The following LIAT1 variants were observed in gnomAD, a reference collection of about 807,000 sequenced individuals.
The protein encoded by LIAT1 is ligand of ATE1.
chr17:411,798 C>T, the LIAT1 span, among the ~76,000 whole-genome samples: 1 of 152,154 alleles, frequency 6.6e-6, no homozygotes, highest in African/African-American at 2.4e-5. Flanking sequence ...GGAGAGAGAG[C>T]ACAGCAGTGA....
At chr17:412,865 C>A in the LIAT1 span, among the ~76,000 whole-genome samples, 1 of 152,362 alleles carries the variant, frequency 6.6e-6, no homozygotes, top group South Asian at 2.1e-4. Flanking sequence ...GTTCCTGAAC[C>A]TTTTGGAGCT....
the LIAT1 span, among the ~76,000 whole-genome samples, chr17:411,916 C>G: frequency 2.0e-5 from 3 of 152,218 alleles, no homozygotes; most frequent in Admixed American, 2.0e-4. Context: ...GTTCTGGGGC[C>G]TGGCCCTCTG....
chr17:412,086 G>T, the LIAT1 span, among the ~76,000 whole-genome samples: 1 of 152,128 alleles, frequency 6.6e-6, no homozygotes, highest in Non-Finnish European at 1.5e-5. Context: ...GCCCTGTGTG[G>T]CTGGGCACAT....
the LIAT1 span, chr17:410,325 G>A: frequency 3.5e-6 from 5 of 1,440,156 alleles, no homozygotes; most frequent in East Asian, 5.3e-5. Context: ...CTGCGCAGGC[G>A]CAGCAGGGGT....
chr17:410,486 C>G, the LIAT1 span: 4 of 1,543,830 alleles, frequency 2.6e-6, no homozygotes, highest in African/African-American at 5.5e-5. Context: ...CAATGGGGTA[C>G]AAGGACAACG....
the LIAT1 span, chr17:410,699 T>G: frequency 6.7e-7 from 1 of 1,484,326 alleles, no homozygotes; most frequent in Non-Finnish European, 9.1e-7. Context: ...TGGAGACTCT[T>G]TGGGGACCCA....
the LIAT1 span, chr17:412,989 A>G: frequency 5.6e-6 from 4 of 716,062 alleles, no homozygotes; most frequent in Admixed American, 1.1e-4. Flanking sequence ...GCAAAATCAC[A>G]CAGGCAGGTG....
chr17:414,255 A>T, the LIAT1 span: 2 of 1,068,862 alleles, frequency 1.9e-6, no homozygotes, highest in Non-Finnish European at 2.7e-6. This position sits in a 1 kb window ranked among gnomAD's most constrained non-coding sequence, Gnocchi z 4.1. Flanking sequence ...CGACTCTCCC[A>T]TCACCAAGCT....
At chr17:413,824 C>T in the LIAT1 span, 19,577 of 1,372,882 alleles carry the variant, frequency 0.014, 77 homozygotes, top group South Asian at 0.048. Flanking sequence ...GCTTCCACCC[C>T]GACCCCAAGG....
the LIAT1 span, chr17:410,378 TGA>T: frequency 5.9e-6 from 9 of 1,520,012 alleles, no homozygotes; most frequent in East Asian, 2.5e-5. Context: ...CGGTCCGCGC[TGA>T]GAGTCGCCGA....
At chr17:411,467 C>T in the LIAT1 span, among the ~76,000 whole-genome samples, 1 of 152,112 alleles carries the variant, frequency 6.6e-6, no homozygotes, top group Admixed American at 6.6e-5. Context: ...CCAGGACTTC[C>T]AGGCTGCAGT....
At chr17:410,385 CG>C in the LIAT1 span, 1 of 1,523,606 alleles carries the variant, frequency 6.6e-7, no homozygotes, top group Non-Finnish European at 8.7e-7. Context: ...CGCTGAGAGT[CG>C]CCGATTAGTC....
the LIAT1 span, chr17:413,996 G>T: frequency 6.2e-7 from 1 of 1,614,216 alleles, no homozygotes; most frequent in Non-Finnish European, 8.5e-7. Context: ...CTCGGACAAA[G>T]ATGGCAGCTC....
chr17:410,798 C>T, the LIAT1 span: 4 of 697,928 alleles, frequency 5.7e-6, no homozygotes, highest in African/African-American at 5.4e-5. Flanking sequence ...GTCAGCAGCA[C>T]GTTGATGCCC....
the LIAT1 span, chr17:410,552 G>GC: frequency 3.2e-6 from 5 of 1,546,712 alleles, no homozygotes; most frequent in South Asian, 1.2e-5. Flanking sequence ...GGTCTAGACT[G>GC]CCCCCCATCA....
At chr17:412,977 C>T in the LIAT1 span, among the ~76,000 whole-genome samples, 8 of 152,344 alleles carry the variant, frequency 5.3e-5, no homozygotes, top group African/African-American at 1.7e-4. Flanking sequence ...GAAATGATTT[C>T]AGCAAAATCA....
the LIAT1 span, chr17:413,636 T>A: frequency 1.9e-6 from 3 of 1,553,802 alleles, no homozygotes; most frequent in Non-Finnish European, 2.6e-6. Context: ...CCTCAAGGGC[T>A]TCCACCCCGA....
the LIAT1 span, among the ~76,000 whole-genome samples, chr17:411,306 A>C: frequency 6.6e-6 from 1 of 152,126 alleles, no homozygotes; most frequent in Admixed American, 6.5e-5. Flanking sequence ...TGTAACACCC[A>C]CAGTGAAACT....
chr17:414,267 C>T, the LIAT1 span: 1 of 931,046 alleles, frequency 1.1e-6, no homozygotes. The surrounding 1 kb of genome is among the most constrained non-coding windows in gnomAD (Gnocchi z 4.1). Context: ...CACCAAGCTG[C>T]CCTCGGTTGC....
Sources: allele counts gnomAD v4.1 joint callset (sites outside exome capture counted in the v4.1 genomes callset), GRCh38; gene constraint gnomAD v4.1.1; non-coding constraint Gnocchi (gnomAD v3.1); transcripts MANE v1.5; gene names NCBI Gene and HGNC (gene_info 2026-07-23, HGNC 2026-07-21).